Variants in PC observed in about 807,000 individuals in gnomAD.
PC encodes pyruvate carboxylase, also known as pyruvate carboxylase, mitochondrial.
PC carries 46 observed loss-of-function variants against 107.8 expected under a neutral mutation model. The ratio of observed to expected loss-of-function variants is 0.43; its 90% CI spans 0.34 to 0.55. PC has a LOEUF of 0.55. Ranked by LOEUF, PC falls within the 20% of genes least tolerant of loss-of-function variation. PC has a pLI of 0.04. For synonymous variants in PC, 662 were observed against 684.7 expected (o/e 0.97, Z 0.52); for missense variants, 1,241 against 1,643.1 (o/e 0.76, Z 4.23).
At position 66,868,827 on chromosome 11, in the gene PC, C is replaced by T. The variant is rs2135928737; in HGVS notation, c.1022+19G>A. 1 of 1,593,514 alleles carries T rather than the reference C, an allele frequency of 6.3e-7. No individual in the cohort carries two copies. The highest frequency in any genetic ancestry group is 8.6e-7 in the Non-Finnish European group (1 of 1,161,796). The stretch of plus-strand genomic sequence containing the variant: ...CCTAGAAGCCGCGCCTCCCGCCCCG[C>T]CTGCCCGCCCACACTCACTCGGTGA... On this transcript the variant is annotated intron_variant, in intron 10 of 22. Coordinates refer to ENST00000393960, the MANE Select transcript of PC (RefSeq NM_001040716.2).
At chr11:66,914,221 A>T (rs1013259120) in intron 3 of PC, among the ~76,000 whole-genome samples, 1 of 152,186 alleles carries the variant, frequency 6.6e-6, no homozygotes, top group African/African-American at 2.4e-5. Flanking sequence ...GAAAAAAGAA[A>T]GGCTTTGCAG....
intron 3 of PC, among the ~76,000 whole-genome samples, chr11:66,880,055 G>T (rs903124728): frequency 6.6e-6 from 1 of 152,160 alleles, no homozygotes; most frequent in Non-Finnish European, 1.5e-5. Context: ...GGCACGGATG[G>T]GGCCCAACAG....
At chr11:66,950,152 ATG>A (rs1220158579) in intron 3 of PC, among the ~76,000 whole-genome samples, 2 of 152,246 alleles carry the variant, frequency 1.3e-5, no homozygotes, top group African/African-American at 4.8e-5. Context: ...AATGGGCAGC[ATG>A]TGTCACTTCA....
intron 1 of PC, among the ~76,000 whole-genome samples, chr11:66,955,921 C>T (rs756572732): frequency 1.2e-4 from 19 of 152,038 alleles, no homozygotes; most frequent in Admixed American, 8.5e-4. Context: ...TACAGGTGCC[C>T]GCCACCAGGC....
chr11:66,956,763 G>A (rs1047703217), intron 1 of PC, among the ~76,000 whole-genome samples: 2 of 152,092 alleles, frequency 1.3e-5, no homozygotes, highest in South Asian at 2.1e-4. Context: ...CCTCTCTCTC[G>A]CTTTAGTGTG....
intron 3 of PC, 118 bp downstream of exon 3, chr11:66,952,312 C>T (rs1949458312): frequency 6.6e-6 from 1 of 152,162 alleles, no homozygotes; most frequent in African/African-American, 2.4e-5. Context: ...AATCAGAGCG[C>T]AGCCTTTTTT....
chr11:66,880,148 T>C (rs1947133269), intron 3 of PC, among the ~76,000 whole-genome samples: 1 of 152,168 alleles, frequency 6.6e-6, no homozygotes, highest in African/African-American at 2.4e-5. Context: ...TTTTTCCTTA[T>C]CGAATGGCAC....
intron 3 of PC, among the ~76,000 whole-genome samples, chr11:66,881,824 G>A (rs1947197526): frequency 6.6e-6 from 1 of 152,234 alleles, no homozygotes; most frequent in African/African-American, 2.4e-5. Context: ...CCGGCCTGGA[G>A]CCCGCTTCAT....
chr11:66,944,044 G>A (rs1430597484), intron 3 of PC, among the ~76,000 whole-genome samples: 6 of 135,158 alleles, frequency 4.4e-5, no homozygotes, highest in Admixed American at 4.4e-4. Context: ...CACTTTGGGA[G>A]CCCGAGGCGG....
chr11:66,904,851 T>C (rs1212295108), intron 3 of PC, among the ~76,000 whole-genome samples: 1 of 152,258 alleles, frequency 6.6e-6, no homozygotes, highest in Non-Finnish European at 1.5e-5. Context: ...GGCTTTGCTA[T>C]CATCCATCAT....
intron 3 of PC, among the ~76,000 whole-genome samples, chr11:66,905,264 C>T (rs560744958): frequency 6.6e-6 from 1 of 152,354 alleles, no homozygotes; most frequent in African/African-American, 2.4e-5. Flanking sequence ...CTTAGGAGAG[C>T]TAAGTGAAGG....
rs1245210155 is a variant in PC at position 66,858,869 on chromosome 11, G to T, written c.1368+4905C>A. 6.4e-7 allele frequency: 1 copy of T among 1,554,758 alleles called. No individual in the cohort carries two copies. Among genetic ancestry groups the T allele is most frequent in the Non-Finnish European group, 8.7e-7 (1 of 1,150,022 alleles). On this transcript the variant is annotated intron_variant, in intron 12 of 22. Coordinates refer to ENST00000393960, the MANE Select transcript of PC (RefSeq NM_001040716.2). This position sits in a 1 kb window ranked among gnomAD's most constrained non-coding sequence, Gnocchi z 5.9. Reference sequence around the variant, plus strand: ...GGGTGCTGGCCTTGCCCCATGGTGGGAACAGCAGTGCCGAGGGGGGCCGCC... The same window carrying T: ...GGGTGCTGGCCTTGCCCCATGGTGGTAACAGCAGTGCCGAGGGGGGCCGCC...
chr11:66,878,427 G>T (rs902763426), intron 3 of PC, among the ~76,000 whole-genome samples: 2 of 152,240 alleles, frequency 1.3e-5, no homozygotes, highest in African/African-American at 4.8e-5. Context: ...ATATGCCAAA[G>T]GCCGGTCACC....
rs1949508957 is a variant in PC, at chr11:66,954,443, GA to G, written c.-227-8del. 1 of 152,394 alleles carries G rather than the reference GA, an allele frequency of 6.6e-6. No homozygotes were observed. The highest frequency in any genetic ancestry group is 2.4e-5 in the African/African-American group (1 of 41,472). 9.4% of individuals were successfully genotyped at this position (152,394 alleles called of 1,614,324 possible). ...AGGTGAGACTAGAAGGCAGCTAAGAGAAAGAGAGGAAGGCACGGTCAGTCAG... is the reference window on the plus strand; with the variant it reads ...AGGTGAGACTAGAAGGCAGCTAAGAGAAGAGAGGAAGGCACGGTCAGTCAG... On this transcript the variant is annotated splice_region_variant and splice_polypyrimidine_tract_variant and intron_variant, in intron 1 of 22. Coordinates refer to ENST00000393960, the MANE Select transcript of PC (RefSeq NM_001040716.2).
rs369116026 is a variant in PC, at chr11:66,871,602, G to C, written c.321+85C>G. ...TTACCCACCCACGCACAGAGGCGCT[G>C]AGCACGCCAGCCTCAAGAGACCCCC... On this transcript the variant is annotated intron_variant, in intron 5 of 22. Coordinates refer to ENST00000393960, the MANE Select transcript of PC (RefSeq NM_001040716.2). This position sits in a 1 kb window ranked among gnomAD's most constrained non-coding sequence, Gnocchi z 7.4. 3.0e-5 allele frequency: 47 copies of C among 1,569,356 alleles called. 1 individual carries two copies. The East Asian group carries it at 3.5e-4, about 12-fold the overall frequency.
chr11:66,851,113 T>C lies in PC; in HGVS notation c.2150A>G (p.Lys717Arg). ...TGDVADPSRTKYSLQYYMGLA... is the reference protein window; with the variant it reads ...TGDVADPSRTRYSLQYYMGLA... ...GCCCATGTAGTACTGCAGTGAGTAC[T>C]TGGTGCGGCTGGGGTCGGCCACGTC... Residue 717 changes from lysine to arginine, a missense_variant, in exon 17 of 23, where the codon AAG (lysine) becomes AGG (arginine). Physicochemically the swap from Lys to Arg is conservative, Grantham distance 26 (BLOSUM62 2). Around this residue, in one of 2 missense-constraint regions of PC, gnomAD observed 1,143 missense variants for 1,551.9 expected, o/e 0.74. Transcript: ENST00000393960. 1.9e-6 allele frequency: 3 copies of C among 1,613,306 alleles called. No homozygotes were observed. Among genetic ancestry groups the C allele is most frequent in the Non-Finnish European group, 2.5e-6 (3 of 1,180,016 alleles).
At chr11:66,888,514 C>G (rs1460323064) in intron 3 of PC, among the ~76,000 whole-genome samples, 3 of 152,116 alleles carry the variant, frequency 2.0e-5, no homozygotes, top group Non-Finnish European at 2.9e-5. Flanking sequence ...GCAAAGGGAA[C>G]TCCCACGGCG....
chr11:66,850,666 C>T lies in PC; in HGVS notation c.2473+8G>A, dbSNP rs371135064. On this transcript the variant is annotated splice_region_variant and intron_variant, in intron 18 of 22. Coordinates refer to ENST00000393960, the MANE Select transcript of PC (RefSeq NM_001040716.2). Reference sequence around the variant, plus strand: ...AGGGGTGTGGCCACGGGCTGCTGTTCTTCCTACCTGTGTCCAGGGGAGTCC... The same window carrying T: ...AGGGGTGTGGCCACGGGCTGCTGTTTTTCCTACCTGTGTCCAGGGGAGTCC... 2 of 1,607,696 alleles carry T rather than the reference C, an allele frequency of 1.2e-6. No homozygotes were observed. The highest frequency in any genetic ancestry group is 8.5e-7 in the Non-Finnish European group (1 of 1,179,744).
At chr11:66,903,764 A>AT (rs1591260075) in intron 3 of PC, among the ~76,000 whole-genome samples, 1 of 134,728 alleles carries the variant, frequency 7.4e-6, no homozygotes, top group African/African-American at 2.7e-5. Context: ...AAAAAAAAAA[A>AT]AAAAAAAAAA....
Sources: allele counts gnomAD v4.1 joint callset (sites outside exome capture counted in the v4.1 genomes callset), GRCh38; gene constraint gnomAD v4.1.1; regional missense constraint gnomAD v4.1.1; non-coding constraint Gnocchi (gnomAD v3.1); transcripts MANE v1.5; gene names NCBI Gene and HGNC (gene_info 2026-07-23, HGNC 2026-07-21).